TDRP: variants seen among roughly 807,000 people sequenced by gnomAD.
TDRP encodes the protein testis development related protein.
TDRP carries 12 observed loss-of-function variants against 10.5 expected under a neutral mutation model. That is an observed-to-expected ratio of 1.15 (90% CI 0.73 to 1.86). TDRP has a LOEUF of 1.86. Ranked by LOEUF, TDRP falls within the 40% of genes most tolerant of loss-of-function variation. The pLI is 0.00. For missense variants in TDRP, 353 were observed against 229.2 expected (o/e 1.54, Z -3.49); for synonymous variants, 139 against 95.4 (o/e 1.46, Z -2.67).
chr8:492,089 G>A lies in TDRP; in HGVS notation c.*310C>T. 8.5e-7 allele frequency: 1 copy of A among 1,175,178 alleles called. No homozygotes were observed. Among genetic ancestry groups the A allele is most frequent in the Non-Finnish European group, 1.0e-6 (1 of 952,604 alleles). 72.8% of individuals were successfully genotyped at this position (1,175,178 alleles called of 1,614,324 possible). On this transcript the variant is annotated 3_prime_UTR_variant, in exon 3 of 3. Coordinates refer to ENST00000324079, the MANE Select transcript of TDRP (RefSeq NM_001384899.1). Reference sequence around the variant, plus strand: ...CAGAGCAGCATGAAAATCATTTTGTGAGAAACTGCAAATCATTACTGCTGT... The same window carrying A: ...CAGAGCAGCATGAAAATCATTTTGTAAGAAACTGCAAATCATTACTGCTGT...
chr8:544,076 C>T (rs192622119), intron 1 of TDRP, among the ~76,000 whole-genome samples: 9 of 152,148 alleles, frequency 5.9e-5, no homozygotes, highest in Admixed American at 5.9e-4. Context: ...GGACTTCTGC[C>T]GGCTTCCTTC....
chr8:492,755 T>G lies in TDRP; in HGVS notation c.213-11A>C. Reference sequence around the variant, plus strand: ...AATCGTAAGTTAGTTCTATAGGAGATGAAAGAGTTAGGTGTTGGTGACCCA... The same window carrying G: ...AATCGTAAGTTAGTTCTATAGGAGAGGAAAGAGTTAGGTGTTGGTGACCCA... On this transcript the variant is annotated splice_polypyrimidine_tract_variant and intron_variant, in intron 2 of 2. Coordinates refer to ENST00000324079, the MANE Select transcript of TDRP (RefSeq NM_001384899.1). 1 of 1,578,682 alleles carries G rather than the reference T, an allele frequency of 6.3e-7. No individual in the cohort carries two copies. The highest frequency in any genetic ancestry group is 8.6e-7 in the Non-Finnish European group (1 of 1,160,354).
At chr8:496,275 C>T (rs576344078) in intron 1 of TDRP, among the ~76,000 whole-genome samples, 36 of 152,326 alleles carry the variant, frequency 2.4e-4, no homozygotes, top group African/African-American at 8.2e-4. Flanking sequence ...ACGTCTGATG[C>T]GCAGGGCCCA....
intron 1 of TDRP, among the ~76,000 whole-genome samples, chr8:524,603 A>T (rs969008631): frequency 2.6e-5 from 4 of 152,226 alleles, no homozygotes; most frequent in African/African-American, 9.6e-5. Context: ...GTGTTCTTAC[A>T]TCAAGCTTTT....
intron 1 of TDRP, among the ~76,000 whole-genome samples, chr8:512,743 G>A (rs1187207382): frequency 6.6e-6 from 1 of 152,160 alleles, no homozygotes; most frequent in Admixed American, 6.5e-5. Flanking sequence ...TGTAGGCAAA[G>A]GTGGGCAGAT....
chr8:500,204 G>A (rs554477426), intron 1 of TDRP, among the ~76,000 whole-genome samples: 1 of 152,308 alleles, frequency 6.6e-6, no homozygotes, highest in Non-Finnish European at 1.5e-5. Flanking sequence ...TACCTTAGTT[G>A]TAAAAAAGTG....
In TDRP at chr8:494,551, A is replaced by C. The variant is rs1223406702; in HGVS notation, c.155T>G (p.Phe52Cys). The part of the protein sequence containing the change: ...FRGWKEVTSL[F>C]NKDDEQHLLE... ...GAGATGCTGCTCATCATCTTTGTTA[A>C]ACAGTGAAGTCACTTCTTTCCAACC... The change falls in exon 2 of 3, where the codon TTT becomes TGT. Residue 52 changes from phenylalanine to cysteine, a missense_variant. Coordinates refer to ENST00000324079, the MANE Select transcript of TDRP (RefSeq NM_001384899.1). The C allele has an allele frequency of 2.5e-6, 4 of 1,613,838 alleles. No individual in the cohort carries two copies. In the African/African-American group the frequency reaches 5.3e-5, roughly 22 times the overall value.
intron 1 of TDRP, among the ~76,000 whole-genome samples, chr8:509,658 G>A (rs777311439): frequency 1.2e-4 from 18 of 152,180 alleles, no homozygotes; most frequent in Non-Finnish European, 2.2e-4. Context: ...TGTGATGGGA[G>A]GGGCTGCCCC....
chr8:496,246 G>A (rs1009099530), intron 1 of TDRP, among the ~76,000 whole-genome samples: 1 of 152,212 alleles, frequency 6.6e-6, no homozygotes, highest in Non-Finnish European at 1.5e-5. Flanking sequence ...ACACTTGTAT[G>A]CACATCAGGT....
At chr8:514,630 A>T (rs952360104) in intron 1 of TDRP, among the ~76,000 whole-genome samples, 3 of 152,204 alleles carry the variant, frequency 2.0e-5, no homozygotes, top group African/African-American at 7.2e-5. Flanking sequence ...CCACCCTGTG[A>T]CTGCCGGATC....
chr8:502,564 G>C (rs1413410002), intron 1 of TDRP, among the ~76,000 whole-genome samples: 2 of 152,148 alleles, frequency 1.3e-5, no homozygotes, highest in African/African-American at 4.8e-5. Context: ...CACAAACATG[G>C]AACCCAGAGC....
chr8:515,977 G>A (rs989049694), intron 1 of TDRP, among the ~76,000 whole-genome samples: 5 of 151,854 alleles, frequency 3.3e-5, no homozygotes, highest in Admixed American at 2.0e-4. Context: ...CCATTCACAA[G>A]AACCATAGTT....
chr8:532,806 T>G (rs1802241297), intron 1 of TDRP, among the ~76,000 whole-genome samples: 1 of 152,192 alleles, frequency 6.6e-6, no homozygotes, highest in South Asian at 2.1e-4. Flanking sequence ...CGGCCTGTGT[T>G]TGTAAATAAA....
intron 1 of TDRP, among the ~76,000 whole-genome samples, chr8:527,880 A>G (rs1197241694): frequency 6.6e-6 from 1 of 152,182 alleles, no homozygotes; most frequent in Non-Finnish European, 1.5e-5. Context: ...CCCCACAAGC[A>G]CAGGTAACCA....
In TDRP at chr8:492,321, C is replaced by G. The variant is rs148202821; in HGVS notation, c.*78G>C. Reference sequence around the variant, plus strand: ...AAAGTAGACTCTCTATTCTTTCTAACGCGGAAAAGACTCAACAACTACATG... The same window carrying G: ...AAAGTAGACTCTCTATTCTTTCTAAGGCGGAAAAGACTCAACAACTACATG... On this transcript the variant is annotated 3_prime_UTR_variant, in exon 3 of 3. Coordinates refer to ENST00000324079, the MANE Select transcript of TDRP (RefSeq NM_001384899.1). 4 of 1,384,922 alleles carry G rather than the reference C, an allele frequency of 2.9e-6. No homozygotes were observed. In the Admixed American group the frequency reaches 1.3e-4, roughly 45 times the overall value. 85.8% of individuals were successfully genotyped at this position (1,384,922 alleles called of 1,614,324 possible).
At chr8:535,186 C>T (rs904398270) in intron 1 of TDRP, among the ~76,000 whole-genome samples, 6 of 152,172 alleles carry the variant, frequency 3.9e-5, no homozygotes, top group African/African-American at 1.4e-4. Context: ...CCACAGCCCC[C>T]AAGGCCTCTC....
intron 1 of TDRP, among the ~76,000 whole-genome samples, chr8:501,594 G>T (rs1054221873): frequency 2.0e-5 from 3 of 152,092 alleles, no homozygotes; most frequent in Non-Finnish European, 2.9e-5. Context: ...CGATCCAACC[G>T]CCTCAGCCTC....
intron 1 of TDRP, among the ~76,000 whole-genome samples, chr8:540,992 G>A (rs990144550): frequency 6.6e-6 from 1 of 152,172 alleles, no homozygotes; most frequent in Admixed American, 6.6e-5. Flanking sequence ...ACAGAATTGA[G>A]AACTTCTAAC....
At chr8:501,509 G>C (rs966325023) in intron 1 of TDRP, among the ~76,000 whole-genome samples, 1 of 151,766 alleles carries the variant, frequency 6.6e-6, no homozygotes, top group African/African-American at 2.4e-5. Flanking sequence ...ACCACACCCA[G>C]CTAATTTTTG....
Sources: allele counts gnomAD v4.1 joint callset (sites outside exome capture counted in the v4.1 genomes callset), GRCh38; gene constraint gnomAD v4.1.1; transcripts MANE v1.5; gene names NCBI Gene and HGNC (gene_info 2026-07-23, HGNC 2026-07-21).